FAT3: variants seen among roughly 807,000 people sequenced by gnomAD.
FAT3 encodes the protein FAT atypical cadherin 3.
Under a neutral mutation model 310.2 loss-of-function variants are expected in FAT3, and 95 were observed. The ratio of observed to expected loss-of-function variants is 0.31; its 90% CI spans 0.26 to 0.36. The LOEUF is 0.36. Ranked by LOEUF, FAT3 falls within the 10% of genes least tolerant of loss-of-function variation. The probability of loss-of-function intolerance (pLI) is 1.00; values close to 1 mark genes in which losing one functional copy is unlikely to be tolerated. For missense variants in FAT3, 5,408 were observed against 5,715.6 expected, an observed-to-expected ratio of 0.95 and a Z score of 1.74; for synonymous variants, 2,314 against 2,192.9, an observed-to-expected ratio of 1.06 and a Z score of -1.54.
At chr11:92,487,345 A>G (rs1242837244) in intron 2 of FAT3, among the ~76,000 whole-genome samples, 1 of 152,194 alleles carries the variant, frequency 6.6e-6, no homozygotes, top group Non-Finnish European at 1.5e-5. Flanking sequence ...ACTATTCTAG[A>G]TATCAGAGAA....
intron 21 of FAT3, among the ~76,000 whole-genome samples, chr11:92,866,513 A>G (rs1365081634): frequency 6.6e-6 from 1 of 152,230 alleles, no homozygotes; most frequent in Non-Finnish European, 1.5e-5. Flanking sequence ...AGGTGTGCCC[A>G]TATTACTAAT....
At chr11:92,347,744 T>A (rs1048960758) in intron 1 of FAT3, among the ~76,000 whole-genome samples, 1 of 152,158 alleles carries the variant, frequency 6.6e-6, no homozygotes, top group Non-Finnish European at 1.5e-5. Context: ...AATAAATGTC[T>A]CAAAGATTGA....
At chr11:92,663,234 T>C (rs1942845688) in intron 3 of FAT3, among the ~76,000 whole-genome samples, 1 of 152,172 alleles carries the variant, frequency 6.6e-6, no homozygotes. Context: ...GCAAGTATGA[T>C]GAGTTGTATT....
intron 4 of FAT3, among the ~76,000 whole-genome samples, chr11:92,705,831 G>T (rs1269681887): frequency 3.9e-5 from 3 of 76,046 alleles, no homozygotes; most frequent in Non-Finnish European, 8.5e-5. Context: ...TGGTGGTGGT[G>T]ATGGTGGTGG....
rs1949973329 is a variant in FAT3, at chr11:92,894,149, G to A, written c.*3036G>A. ...GAAAATTCATGGAGAATATTTTTCT[G>A]AAAGCCTCATGATCTTATGTTTCCT... On this transcript the variant is annotated 3_prime_UTR_variant, in exon 28 of 28. Coordinates refer to ENST00000525166, the MANE Select transcript of FAT3 (RefSeq NM_001367949.2). 6.6e-6 allele frequency: 1 copy of A among 152,202 alleles called. No individual in the cohort carries two copies. Among genetic ancestry groups the A allele is most frequent in the African/African-American group, 2.4e-5 (1 of 41,446 alleles). 9.4% of individuals were successfully genotyped at this position (152,202 alleles called of 1,614,324 possible). A position where few individuals can be genotyped will look rare whatever the true frequency, so the allele number is the denominator to read the frequency against.
intron 2 of FAT3, among the ~76,000 whole-genome samples, chr11:92,451,896 A>T (rs183699454): frequency 1.3e-5 from 2 of 152,202 alleles, no homozygotes; most frequent in African/African-American, 4.8e-5. Flanking sequence ...CCCCACATCA[A>T]CTGGTCACAT....
At chr11:92,594,999 G>GTA (rs759292787) in intron 3 of FAT3, among the ~76,000 whole-genome samples, 68 of 75,612 alleles carry the variant, frequency 9.0e-4, no homozygotes, top group African/African-American at 2.8e-3. Flanking sequence ...ATGAATAAAT[G>GTA]TGTGTGTGTG....
chr11:92,401,591 C>T (rs1166430358), intron 2 of FAT3, among the ~76,000 whole-genome samples: 1 of 152,150 alleles, frequency 6.6e-6, no homozygotes, highest in Admixed American at 6.5e-5. Context: ...CTGAAATTCA[C>T]ACCCTTGAAA....
chr11:92,344,734 T>A (rs1948364221), intron 1 of FAT3, among the ~76,000 whole-genome samples: 1 of 152,146 alleles, frequency 6.6e-6, no homozygotes, highest in South Asian at 2.1e-4. Context: ...TGATAAGTGC[T>A]TAGTTTAGAT....
At chr11:92,478,953 T>TCTCTCTCTCTCTCTCTCTC (rs1555058223) in intron 2 of FAT3, among the ~76,000 whole-genome samples, 16 of 103,984 alleles carry the variant, frequency 1.5e-4, no homozygotes, top group African/African-American at 6.3e-4. Context: ...TCTTTCTTTC[T>TCTCTCTCTCTCTCTCTCTC]TTTCTTTTCT....
chr11:92,264,603 A>T (rs1945880677), intron 1 of FAT3, among the ~76,000 whole-genome samples: 1 of 152,220 alleles, frequency 6.6e-6, no homozygotes, highest in Non-Finnish European at 1.5e-5. Flanking sequence ...AAATATTTTC[A>T]TTTTCTCCAT....
chr11:92,469,397 G>A (rs534646521), intron 2 of FAT3, among the ~76,000 whole-genome samples: 4 of 152,078 alleles, frequency 2.6e-5, no homozygotes, highest in Non-Finnish European at 5.9e-5. Flanking sequence ...AAGGAGAAAT[G>A]GTTAGATACT....
At chr11:92,618,535 A>G (rs1025638681) in intron 3 of FAT3, among the ~76,000 whole-genome samples, 1 of 152,180 alleles carries the variant, frequency 6.6e-6, no homozygotes, top group African/African-American at 2.4e-5. Context: ...GGAAATGCAG[A>G]AATCACCCGT....
At chr11:92,549,807 C>T (rs566194637) in intron 3 of FAT3, among the ~76,000 whole-genome samples, 1 of 152,226 alleles carries the variant, frequency 6.6e-6, no homozygotes, top group Non-Finnish European at 1.5e-5. Context: ...GACTCAAGAT[C>T]CTGTTTTTTT....
Position 92,866,980 on chromosome 11 carries a change from C to A in FAT3, c.11898C>A (p.Asn3966Lys), listed in dbSNP as rs1949264293. 1 of 1,611,852 alleles carries A rather than the reference C, an allele frequency of 6.2e-7. No individual in the cohort carries two copies. Among genetic ancestry groups the A allele is most frequent in the Non-Finnish European group, 8.5e-7 (1 of 1,179,100 alleles). Residue 3966 changes from asparagine to lysine, a missense_variant, in exon 22 of 28, where the codon AAC becomes AAA. Transcript: ENST00000525166. ...TCGGCGCCCTGGTGCAAGCGGATAA[C>A]ATCCGCAGCCTGACTGACACGCGGG... Reference protein sequence around the residue: ...IYFGALVQADNIRSLTDTRVT... With the variant: ...IYFGALVQADKIRSLTDTRVT...
At chr11:92,788,779 C>G (rs781619720) in intron 7 of FAT3, among the ~76,000 whole-genome samples, 17 of 152,066 alleles carry the variant, frequency 1.1e-4, no homozygotes, top group Non-Finnish European at 2.5e-4. Flanking sequence ...TAAAACAAAA[C>G]CACAGCGATG....
chr11:92,829,427 A>T (rs1948183179), intron 13 of FAT3, among the ~76,000 whole-genome samples: 1 of 152,202 alleles, frequency 6.6e-6, no homozygotes, highest in Non-Finnish European at 1.5e-5. Context: ...GTTTCCATAA[A>T]TGCATTTTTG....
rs530834630 is a variant in FAT3 at position 92,493,615 on chromosome 11, A to G, written c.3293-31019A>G. On this transcript the variant is annotated intron_variant, in intron 2 of 27. Coordinates refer to ENST00000525166, the MANE Select transcript of FAT3 (RefSeq NM_001367949.2). The stretch of plus-strand genomic sequence containing the variant: ...GACTCTGCTTCTTCCCATGTGTCAC[A>G]TAGCACTTGTAATACTTACAGTGTG... Among the ~76,000 whole-genome samples the G allele has an allele frequency of 2.6e-5, 4 of 152,176 alleles. No individual in the cohort carries two copies. The South Asian group carries it at 8.3e-4, about 32-fold the overall frequency.
intron 3 of FAT3, among the ~76,000 whole-genome samples, chr11:92,616,545 T>C (rs1240234030): frequency 1.3e-5 from 2 of 152,196 alleles, no homozygotes; most frequent in Non-Finnish European, 2.9e-5. Context: ...ATTTTGCTCG[T>C]TAGTTGATGC....
Sources: allele counts gnomAD v4.1 joint callset (sites outside exome capture counted in the v4.1 genomes callset), GRCh38; gene constraint gnomAD v4.1.1; transcripts MANE v1.5; gene names NCBI Gene and HGNC (gene_info 2026-07-23, HGNC 2026-07-21).